The following BMS1 variants were observed in gnomAD, a reference collection of about 807,000 sequenced individuals.
BMS1 encodes the protein ribosome biogenesis protein BMS1 homolog.
Under a neutral mutation model 138.7 loss-of-function variants are expected in BMS1, and 53 were observed. That is an observed-to-expected ratio of 0.38 (90% CI 0.31 to 0.48). The LOEUF (loss-of-function observed/expected upper bound fraction) is 0.48, where lower values mean the gene tolerates loss of function less well. Ranked by LOEUF, BMS1 falls within the 20% of genes least tolerant of loss-of-function variation. The probability of loss-of-function intolerance (pLI) is 0.97; values close to 1 mark genes in which losing one functional copy is unlikely to be tolerated. For missense variants in BMS1, 1,360 were observed against 1,565.5 expected (o/e 0.87, Z 2.22); for synonymous variants, 504 against 539.9 (o/e 0.93, Z 0.92).
intron 4 of BMS1, among the ~76,000 whole-genome samples, chr10:42,787,548 G>A (rs570251500): frequency 5.3e-5 from 8 of 152,234 alleles, no homozygotes; most frequent in African/African-American, 1.2e-4. Flanking sequence ...ACATATATAC[G>A]TACAAATATA....
At chr10:42,828,518 C>T (rs1384311809) in intron 21 of BMS1, among the ~76,000 whole-genome samples, 1 of 151,898 alleles carries the variant, frequency 6.6e-6, no homozygotes, top group African/African-American at 2.4e-5. Context: ...GCTTCTGTGT[C>T]GTGTTCTGGG....
At chr10:42,786,061 G>A (rs893005324) in intron 3 of BMS1, among the ~76,000 whole-genome samples, 1 of 152,134 alleles carries the variant, frequency 6.6e-6, no homozygotes, top group Non-Finnish European at 1.5e-5. Context: ...TCCATTTTTT[G>A]TATGAGAAAT....
chr10:42,807,102 G>A (rs1464389348), intron 13 of BMS1, among the ~76,000 whole-genome samples: 1 of 151,918 alleles, frequency 6.6e-6, no homozygotes, highest in Non-Finnish European at 1.5e-5. Context: ...CACATGTGTA[G>A]GTTTGTGTGT....
chr10:42,793,558 G>A (rs758102375), intron 8 of BMS1, among the ~76,000 whole-genome samples: 4 of 151,940 alleles, frequency 2.6e-5, no homozygotes, highest in Non-Finnish European at 5.9e-5. Context: ...GGTTAAAATC[G>A]GCTTATTTTA....
chr10:42,794,922 C>T (rs1841628990), intron 9 of BMS1, among the ~76,000 whole-genome samples: 1 of 152,048 alleles, frequency 6.6e-6, no homozygotes. Context: ...GCTCTGCCCA[C>T]CCCACAACAG....
chr10:42,791,174 G>T (rs1174594971), intron 5 of BMS1, among the ~76,000 whole-genome samples: 1 of 152,202 alleles, frequency 6.6e-6, no homozygotes, highest in Non-Finnish European at 1.5e-5. Flanking sequence ...TTTCTGGAAG[G>T]TTTCCCTCAA....
rs1419985912 is a variant in BMS1 at position 42,790,451 on chromosome 10, T to C, written c.576T>C (p.Asn192=). The change falls in exon 5 of 23, where the codon AAT becomes AAC. Residue 192 remains asparagine (N), a synonymous_variant. Coordinates refer to ENST00000374518, the MANE Select transcript of BMS1 (RefSeq NM_014753.4). ...VLTHLDSFKH[N]KQLKKTKKRL... is the part of the protein sequence containing the mutation. Reference sequence around the variant, plus strand: ...CCCACCTCGACTCCTTCAAGCATAATAAGCAACTGAAGAAGACAAAGAAGC... The same window carrying C: ...CCCACCTCGACTCCTTCAAGCATAACAAGCAACTGAAGAAGACAAAGAAGC... The C allele has an allele frequency of 6.2e-7, 1 of 1,613,954 alleles. No homozygotes were observed. Among genetic ancestry groups the C allele is most frequent in the African/African-American group, 1.3e-5 (1 of 75,030 alleles).
intron 21 of BMS1, 57 bp from the exon 22 acceptor site, chr10:42,830,204 T>G: frequency 6.3e-7 from 1 of 1,588,666 alleles, no homozygotes; most frequent in Non-Finnish European, 8.5e-7. Flanking sequence ...ATGCAGAAGT[T>G]TTAAATGCAC....
chr10:42,797,444 C>CCTTCCAGAAGGAAGA lies in BMS1; in HGVS notation c.2013_2014insCCAGAAGGAAGACTT (p.Leu671_Ser672insProGluGlyArgLeu). ...CAGGTGCCCTCAAGTGGAAGGAAGACCTTTCCAGAAAGGCAGCTGAGGCCT... is the reference window on the plus strand; with the variant it reads ...CAGGTGCCCTCAAGTGGAAGGAAGACCTTCCAGAAGGAAGACTTTCCAGAAAGGCAGCTGAGGCCT... On this transcript the variant is annotated inframe_insertion, in exon 11 of 23. Coordinates refer to ENST00000374518, the MANE Select transcript of BMS1 (RefSeq NM_014753.4). 6.2e-7 allele frequency: 1 copy of CCTTCCAGAAGGAAGA among 1,614,188 alleles called. No homozygotes were observed. Among genetic ancestry groups the CCTTCCAGAAGGAAGA allele is most frequent in the Non-Finnish European group, 8.5e-7 (1 of 1,180,036 alleles).
intron 21 of BMS1, among the ~76,000 whole-genome samples, chr10:42,827,937 T>TC (rs760852276): frequency 1.3e-5 from 2 of 152,252 alleles, no homozygotes; most frequent in Non-Finnish European, 2.9e-5. Context: ...TTTTAAAACA[T>TC]TAATGTGCTA....
intron 11 of BMS1, 27 bp downstream of exon 11, chr10:42,797,550 A>G (rs1195289801): frequency 6.2e-7 from 1 of 1,603,358 alleles, no homozygotes; most frequent in African/African-American, 1.3e-5. Context: ...CAGAACTAGA[A>G]ATGTTTTAGT....
At chr10:42,823,388 A>T in intron 20 of BMS1, 123 bp downstream of exon 20, 2 of 1,328,538 alleles carry the variant, frequency 1.5e-6, no homozygotes, top group East Asian at 2.4e-5. Context: ...TAGATCTCCC[A>T]GTCTTATGGG....
At chr10:42,796,290 C>A (rs1374396822) in intron 9 of BMS1, among the ~76,000 whole-genome samples, 184 bp from the exon 10 acceptor site, 1 of 152,094 alleles carries the variant, frequency 6.6e-6, no homozygotes, top group African/African-American at 2.4e-5. Flanking sequence ...GTTAGGGAAC[C>A]ATGCCCGAGT....
chr10:42,811,909 A>G (rs1008777985), intron 13 of BMS1, among the ~76,000 whole-genome samples: 1 of 152,098 alleles, frequency 6.6e-6, no homozygotes, highest in Non-Finnish European at 1.5e-5. Context: ...TTAATTATCA[A>G]GTATTTAGAG....
At chr10:42,791,850 T>C (rs1841516484) in intron 6 of BMS1, 81 bp downstream of exon 6, 8 of 1,490,298 alleles carry the variant, frequency 5.4e-6, no homozygotes, top group Non-Finnish European at 1.8e-6. Context: ...AGTGATAGGA[T>C]TTATTTTGTG....
chr10:42,792,929 A>G (rs1217408797), intron 7 of BMS1, 28 bp from the exon 8 acceptor site: 1 of 1,595,030 alleles, frequency 6.3e-7, no homozygotes, highest in South Asian at 1.1e-5. Context: ...TTGTCAGCTG[A>G]AGCTGGCTTT....
Position 42,823,198 on chromosome 10 carries a change from C to T in BMS1, c.3213C>T (p.Ile1071=). 6.2e-7 allele frequency: 1 copy of T among 1,607,472 alleles called. No homozygotes were observed. The highest frequency in any genetic ancestry group is 8.5e-7 in the Non-Finnish European group (1 of 1,178,522). The change falls in exon 20 of 23, where the codon ATC becomes ATT. Residue 1071 remains isoleucine, a synonymous_variant. Coordinates refer to ENST00000374518, the MANE Select transcript of BMS1 (RefSeq NM_014753.4). Reference sequence around the variant, plus strand: ...CAGTCAGTGGGATAAGGGGGCAGATCAAGAAAGCACTCCGAGCTCCAGAAG... The same window carrying T: ...CAGTCAGTGGGATAAGGGGGCAGATTAAGAAAGCACTCCGAGCTCCAGAAG... ...IRTVSGIRGQ[I]KKALRAPEGA...
rs1448637204 is a variant in BMS1 at position 42,830,868 on chromosome 10, C to T, written c.3621C>T (p.Ile1207=). The T allele has an allele frequency of 5.0e-6, 8 of 1,608,840 alleles. No homozygotes were observed. The highest frequency in any genetic ancestry group is 6.8e-6 in the Non-Finnish European group (8 of 1,177,732). ...AVIREPHERK[I]LALLDALSTV... ...TCACCGGCTTTTGTCCTTGTCAGAT[C>T]CTTGCACTGCTGGATGCTCTGAGTA... is the stretch of plus-strand genomic sequence containing the variant. Residue 1207 remains isoleucine, a splice_region_variant and synonymous_variant, in exon 23 of 23, where the codon ATC becomes ATT. Transcript: ENST00000374518.
At chr10:42,788,206 A>G (rs942906064) in intron 4 of BMS1, among the ~76,000 whole-genome samples, 6 of 151,670 alleles carry the variant, frequency 4.0e-5, no homozygotes, top group African/African-American at 1.2e-4. Context: ...AATAAGTGTT[A>G]TTATTAACGT....
Sources: allele counts gnomAD v4.1 joint callset (sites outside exome capture counted in the v4.1 genomes callset), GRCh38; gene constraint gnomAD v4.1.1; transcripts MANE v1.5; gene names NCBI Gene and HGNC (gene_info 2026-07-23, HGNC 2026-07-21).